MID1: variants seen among roughly 807,000 people sequenced by gnomAD.
MID1 encodes the protein E3 ubiquitin-protein ligase Midline-1.
MID1 carries 7 observed loss-of-function variants against 40.4 expected under a neutral mutation model. The ratio of observed to expected loss-of-function variants is 0.17; its 90% CI spans 0.10 to 0.33. The LOEUF is 0.33. Among genes scored for constraint, MID1 ranks in the 10% least tolerant of loss-of-function variants. The pLI is 1.00. For synonymous variants in MID1, 229 were observed against 221.2 expected, an observed-to-expected ratio of 1.04 and a Z score of -0.31; for missense variants, 367 against 558.5, an observed-to-expected ratio of 0.66 and a Z score of 3.46.
At chrX:10,787,509 C>G (rs1388233980) in intron 1 of MID1, among the ~76,000 whole-genome samples, 2 of 51 alleles carry the variant, frequency 0.039, no homozygotes, top group Non-Finnish European at 0.062. Context: ...TTCTCTTTCC[C>G]CTCCCCTCCC....
intron 7 of MID1, among the ~76,000 whole-genome samples, chrX:10,466,899 AAT>A (rs1245099871): frequency 2.7e-5 from 3 of 112,001 alleles, no homozygotes; most frequent in African/African-American, 6.5e-5. Flanking sequence ...TCTGAAGGGC[AAT>A]TTGGCAATGT....
At chrX:10,525,940 C>T (rs1337310898) in intron 2 of MID1, among the ~76,000 whole-genome samples, 4 of 112,430 alleles carry the variant, frequency 3.6e-5, no homozygotes, top group Admixed American at 1.9e-4. Flanking sequence ...TCTTCTCTCA[C>T]CACTCTACAC....
intron 1 of MID1, among the ~76,000 whole-genome samples, chrX:10,647,293 A>G (rs1602494564): frequency 8.9e-6 from 1 of 111,825 alleles, no homozygotes; most frequent in South Asian, 3.8e-4. Flanking sequence ...CACCACATCT[A>G]TATTTTGACA....
intron 1 of MID1, among the ~76,000 whole-genome samples, chrX:10,698,749 A>G (rs2043177085): frequency 9.3e-6 from 1 of 106,956 alleles, no homozygotes; most frequent in Admixed American, 9.9e-5. Flanking sequence ...AAAAAAAAAC[A>G]CCGCAGTTTC....
chrX:10,620,745 A>G (rs1333767040), upstream of MID1: 1 of 112,400 alleles, frequency 8.9e-6, no homozygotes, highest in African/African-American at 3.2e-5. Context: ...CCAAAGCTCC[A>G]AAAGTAAAGG....
intron 1 of MID1, among the ~76,000 whole-genome samples, chrX:10,832,082 T>C (rs191743687): frequency 7.7e-4 from 87 of 112,886 alleles, no homozygotes; most frequent in African/African-American, 2.8e-3. Context: ...AAAGATAAAC[T>C]TTAAAACATT....
At chrX:10,551,182 T>A (rs1009334059) in intron 2 of MID1, among the ~76,000 whole-genome samples, 4 of 112,629 alleles carry the variant, frequency 3.6e-5, no homozygotes, top group Non-Finnish European at 5.6e-5. Context: ...AGAGATTTTT[T>A]AAAAGTCTAT....
At chrX:10,484,455 T>A (rs1569062646) in intron 4 of MID1, among the ~76,000 whole-genome samples, 1 of 112,432 alleles carries the variant, frequency 8.9e-6, no homozygotes, top group Non-Finnish European at 1.9e-5. Context: ...TATCATGATA[T>A]TGAACATTAA....
chrX:10,726,043 T>C (rs1241286217), intron 1 of MID1, among the ~76,000 whole-genome samples: 1 of 112,182 alleles, frequency 8.9e-6, no homozygotes. Context: ...GTTTTTTTCT[T>C]TTAAAAGCCA....
chrX:10,685,240 G>C (rs1311068495), intron 1 of MID1, among the ~76,000 whole-genome samples: 2 of 110,932 alleles, frequency 1.8e-5, no homozygotes, highest in Non-Finnish European at 3.8e-5. Context: ...ATTTACTATT[G>C]TTGGGACTCA....
chrX:10,573,450 A>G (rs1934792742), intron 1 of MID1, among the ~76,000 whole-genome samples: 1 of 112,122 alleles, frequency 8.9e-6, no homozygotes, highest in South Asian at 3.7e-4. Context: ...TCTAGTCTCC[A>G]TGAGAGCAAG....
chrX:10,772,393 A>G (rs2043776576), intron 1 of MID1, among the ~76,000 whole-genome samples: 1 of 109,788 alleles, frequency 9.1e-6, no homozygotes, highest in Non-Finnish European at 1.9e-5. Flanking sequence ...GACACAATGG[A>G]CTTTGGGGAC....
intron 6 of MID1, among the ~76,000 whole-genome samples, chrX:10,471,950 G>GAAAAA (rs111337485): frequency 9.2e-6 from 1 of 108,555 alleles, no homozygotes; most frequent in African/African-American, 3.4e-5. Context: ...CATGTCATAG[G>GAAAAA]AAAAAAAAAA....
chrX:10,562,619 T>TA (rs1300371718), intron 2 of MID1, among the ~76,000 whole-genome samples: 2 of 104,836 alleles, frequency 1.9e-5, no homozygotes, highest in Non-Finnish European at 3.8e-5. Flanking sequence ...AGACACATTT[T>TA]AAAAAATACA....
chrX:10,481,735 C>T (rs1275522779), intron 5 of MID1, among the ~76,000 whole-genome samples: 1 of 112,329 alleles, frequency 8.9e-6, no homozygotes, highest in Non-Finnish European at 1.9e-5. Context: ...CGTGAGCCAC[C>T]GTGCCCGGCT....
chrX:10,832,634 T>C (rs1216144003), intron 1 of MID1, among the ~76,000 whole-genome samples: 3 of 111,850 alleles, frequency 2.7e-5, no homozygotes, highest in Non-Finnish European at 5.6e-5. Flanking sequence ...CATGAAAAAA[T>C]AAAAATAAAT....
intron 1 of MID1, among the ~76,000 whole-genome samples, chrX:10,616,106 CG>C (rs1324106878): frequency 8.9e-6 from 1 of 111,975 alleles, no homozygotes; most frequent in Non-Finnish European, 1.9e-5. Context: ...CTTCCGACCA[CG>C]GGAACTTCAA....
intron 1 of MID1, chrX:10,677,360 A>T (rs747990513): frequency 2.3e-4 from 26 of 112,401 alleles, no homozygotes; most frequent in Non-Finnish European, 3.4e-4. Context: ...TTATAAATTC[A>T]AATCCTCTTC....
chrX:10,570,341 A>C (rs984817460), intron 1 of MID1, among the ~76,000 whole-genome samples: 1 of 111,283 alleles, frequency 9.0e-6, no homozygotes, highest in Non-Finnish European at 1.9e-5. Flanking sequence ...CCACCTACCC[A>C]TCGTGGTAAT....
Sources: gnomAD v4.1 joint callset for allele counts (sites outside exome capture counted in the v4.1 genomes callset) on GRCh38, gnomAD v4.1.1 for gene constraint, MANE v1.5 for transcripts, NCBI Gene and HGNC (gene_info 2026-07-23, HGNC 2026-07-21) for gene names.